The following MTCL1 variants were observed in gnomAD, a reference collection of about 807,000 sequenced individuals.
MTCL1 encodes the protein microtubule cross-linking factor 1.
In MTCL1, 79 loss-of-function variants were observed where a neutral mutation model predicts 141.4. The ratio of observed to expected loss-of-function variants is 0.56; its 90% CI spans 0.47 to 0.67. The LOEUF (loss-of-function observed/expected upper bound fraction) is 0.67. MTCL1 is among the 30% of genes least tolerant of loss of function. The probability of loss-of-function intolerance (pLI) is 0.00; values close to 1 mark genes in which losing one functional copy is unlikely to be tolerated. For synonymous variants in MTCL1, 914 were observed against 875.8 expected (o/e 1.04, Z -0.77); for missense variants, 2,177 against 2,113.9 (o/e 1.03, Z -0.59).
chr18:8,806,965 G>A, exon 11 of MTCL1: 10 of 1,613,796 alleles, frequency 6.2e-6, no homozygotes, highest in Non-Finnish European at 8.5e-6. Flanking sequence ...GCTGCGGGAG[G>A]ATGAGCGTGC....
chr18:8,724,919 T>G (rs775170858), intron 4 of MTCL1, among the ~76,000 whole-genome samples: 4 of 151,788 alleles, frequency 2.6e-5, no homozygotes, highest in African/African-American at 7.3e-5. Context: ...TCTGTGACCC[T>G]AGGCACCCAC....
Position 8,756,513 on chromosome 18 carries a change from ATGTGTGTATATATG to A in MTCL1, c.358-21302_358-21289del, listed in dbSNP as rs1214472855. Among the ~76,000 whole-genome samples, 278 of 146,000 alleles carry A rather than the reference ATGTGTGTATATATG, an allele frequency of 1.9e-3. 1 individual carries two copies. The highest frequency in any genetic ancestry group is 6.5e-3 in the African/African-American group (241 of 36,856). ...TATATGTATATATGTGTGTATATATATGTGTGTATATATGTGTGTGTATATATGTGTATATATAT... is the reference window on the plus strand; with the variant it reads ...TATATGTATATATGTGTGTATATATATGTGTGTATATATGTGTATATATAT... On this transcript the variant is annotated intron_variant, in intron 4 of 16. Coordinates refer to ENST00000359865, the Ensembl canonical transcript of MTCL1.
rs117578592 is a variant in MTCL1 at position 8,765,207 on chromosome 18, T to C, written c.358-12626T>C. Among the ~76,000 whole-genome samples the C allele has an allele frequency of 5.2e-3, 797 of 152,284 alleles. 3 individuals carry two copies. The highest frequency in any genetic ancestry group is 7.7e-3 in the Non-Finnish European group (525 of 68,022). On this transcript the variant is annotated intron_variant, in intron 4 of 16. Coordinates refer to ENST00000359865, the Ensembl canonical transcript of MTCL1. ...AAGCACATTTGCACCTCAGGATAAA[T>C]GTCGTGGCAGCAGGCCTGTGTGCCC...
chr18:8,819,124 G>A (rs749359669), exon 13 of MTCL1: 9 of 1,614,088 alleles, frequency 5.6e-6, no homozygotes, highest in African/African-American at 2.7e-5. Context: ...AAGACCGGCC[G>A]CTGTCCAAGC....
At chr18:8,785,519 C>T (rs1044182474) in intron 6 of MTCL1, among the ~76,000 whole-genome samples, 6 of 152,232 alleles carry the variant, frequency 3.9e-5, no homozygotes, top group Non-Finnish European at 7.3e-5. Flanking sequence ...CCAGCTGCCG[C>T]CCTGGACTGT....
At chr18:8,801,886 G>A (rs518561) in intron 10 of MTCL1, 122,692 of 152,196 alleles carry the variant, frequency 0.81, 49,685 homozygotes, top group Middle Eastern at 0.89. Flanking sequence ...CAGGATCACC[G>A]GGCAGACTCT....
At chr18:8,706,692 C>A in exon 1 of MTCL1, 1 of 1,546,286 alleles carries the variant, frequency 6.5e-7, no homozygotes, top group Non-Finnish European at 8.7e-7. Flanking sequence ...AGGAGCTGCG[C>A]TCGGAGAACG....
At chr18:8,770,367 AC>A in intron 4 of MTCL1, among the ~76,000 whole-genome samples, 1 of 152,318 alleles carries the variant, frequency 6.6e-6, no homozygotes, top group East Asian at 1.9e-4. Context: ...GGCTTAAAGA[AC>A]ACATTTATTT....
chr18:8,815,267 A>G (rs1421022640), intron 12 of MTCL1, among the ~76,000 whole-genome samples: 2 of 151,664 alleles, frequency 1.3e-5, no homozygotes, highest in Non-Finnish European at 2.9e-5. Context: ...TGTGGCACAT[A>G]TACACCATGG....
intron 5 of MTCL1, among the ~76,000 whole-genome samples, chr18:8,778,435 G>A (rs983887438): frequency 6.6e-6 from 1 of 152,184 alleles, no homozygotes; most frequent in African/African-American, 2.4e-5. Context: ...TTTTTAAATT[G>A]CTGCTAGCAT....
intron 4 of MTCL1, among the ~76,000 whole-genome samples, chr18:8,746,566 T>G (rs566178858): frequency 6.6e-6 from 1 of 152,354 alleles, no homozygotes; most frequent in Admixed American, 6.5e-5. Flanking sequence ...GGGCATTTTC[T>G]TGTCCTATGT....
intron 10 of MTCL1, among the ~76,000 whole-genome samples, chr18:8,799,899 T>C (rs1402778074): frequency 6.6e-6 from 1 of 152,242 alleles, no homozygotes; most frequent in African/African-American, 2.4e-5. Flanking sequence ...CTCCTGCTTC[T>C]TCCAACACTA....
chr18:8,707,929 G>A lies in MTCL1; in HGVS notation c.1053+1216G>A, dbSNP rs546994035. Among the ~76,000 whole-genome samples the A allele has an allele frequency of 3.9e-5, 6 of 152,320 alleles. No homozygotes were observed. The South Asian group carries it at 1.0e-3, about 26-fold the overall frequency. Reference sequence around the variant, plus strand: ...CTGCTCCAACCAACTGAGCCTTGTGGTTATTTTACTTTGTGCAAGAAGTAA... The same window carrying A: ...CTGCTCCAACCAACTGAGCCTTGTGATTATTTTACTTTGTGCAAGAAGTAA... On this transcript the variant is annotated intron_variant, in intron 1 of 13. Coordinates refer to the MTCL1 transcript ENST00000306329.
chr18:8,781,898 C>A (rs1394882751), intron 5 of MTCL1, among the ~76,000 whole-genome samples: 1 of 152,176 alleles, frequency 6.6e-6, no homozygotes, highest in African/African-American at 2.4e-5. Context: ...CTCCCGAGGA[C>A]GCACAGATAG....
At chr18:8,782,900 G>T (rs188773482) in intron 5 of MTCL1, among the ~76,000 whole-genome samples, 65 of 152,306 alleles carry the variant, frequency 4.3e-4, no homozygotes, top group African/African-American at 1.4e-3. Flanking sequence ...GGACATTAGG[G>T]CTGGGGAGAC....
At chr18:8,786,124 C>CCCCCG in intron 7 of MTCL1, 33 bp downstream of exon 6, 1 of 1,463,134 alleles carries the variant, frequency 6.8e-7, no homozygotes, top group Non-Finnish European at 9.3e-7. Flanking sequence ...CCCCCCCCGC[C>CCCCCG]CTCCCCCTCC....
At position 8,825,571 on chromosome 18, in the gene MTCL1, G is replaced by A. The variant is rs1218841418; in HGVS notation, c.4061G>A (p.Gly1354Asp). 1 of 1,613,300 alleles carries A rather than the reference G, an allele frequency of 6.2e-7. No homozygotes were observed. Among genetic ancestry groups the A allele is most frequent in the African/African-American group, 1.3e-5 (1 of 74,936 alleles). ...TGTCTCACTCCAAAGGCTGGGGGCG[G>A]TGCTACACCCGTGTCGTCTCCTTCC... The change falls in exon 15 of 17, where the codon GGT becomes GAT. Residue 1354 changes from glycine (G) to aspartate (D), a missense_variant. By Grantham distance (94) the Gly-to-Asp change is moderately conservative. Transcript: ENST00000359865.
intron 16 of MTCL1, chr18:8,831,187 G>A (rs1386280389): frequency 2.4e-5 from 24 of 1,002,616 alleles, no homozygotes; most frequent in Non-Finnish European, 2.7e-5. Context: ...TCCAGGCCCT[G>A]TAGGACCAGT....
chr18:8,792,973 C>T (rs2075787206), intron 7 of MTCL1, 25 bp from the exon 7 acceptor site: 1 of 1,612,156 alleles, frequency 6.2e-7, no homozygotes, highest in South Asian at 1.1e-5. Flanking sequence ...TTCCACTAAA[C>T]CCCTTCCTTT....
Sources: allele counts gnomAD v4.1 joint callset (sites outside exome capture counted in the v4.1 genomes callset), GRCh38; gene constraint gnomAD v4.1.1; transcripts MANE v1.5; gene names NCBI Gene and HGNC (gene_info 2026-07-23, HGNC 2026-07-21).